KIF21A: variants seen among roughly 807,000 people sequenced by gnomAD.
KIF21A encodes the protein kinesin family member 21A, also known as kinesin-like protein KIF21A.
A neutral mutation model predicts 202.9 loss-of-function variants in KIF21A; 114 were observed. That is an observed-to-expected ratio of 0.56 (90% CI 0.48 to 0.66). The LOEUF is 0.66. KIF21A is among the 30% of genes least tolerant of loss of function. The probability of loss-of-function intolerance (pLI) is 0.00; values close to 1 mark genes in which losing one functional copy is unlikely to be tolerated. For missense variants in KIF21A, 1,677 were observed against 1,994.9 expected (o/e 0.84, Z 3.04); for synonymous variants, 667 against 670.8 (o/e 0.99, Z 0.09).
chr12:39,419,256 A>G (rs1026702887), intron 1 of KIF21A, among the ~76,000 whole-genome samples: 6 of 152,208 alleles, frequency 3.9e-5, no homozygotes, highest in Non-Finnish European at 7.3e-5. Flanking sequence ...CTTTAGAGCC[A>G]CAAGGAATCT....
intron 1 of KIF21A, among the ~76,000 whole-genome samples, chr12:39,372,248 C>A (rs1950014804): frequency 6.6e-6 from 1 of 152,142 alleles, no homozygotes; most frequent in Admixed American, 6.6e-5. Flanking sequence ...TTGTATGCCT[C>A]AAAAATATCT....
intron 4 of KIF21A, 111 bp from the exon 5 acceptor site, chr12:39,367,275 G>T: frequency 8.7e-7 from 1 of 1,148,024 alleles, no homozygotes; most frequent in Non-Finnish European, 1.3e-6. Context: ...TATAAAAGAT[G>T]TGGAATTTCA....
At chr12:39,391,714 T>G (rs1244876844) in intron 1 of KIF21A, among the ~76,000 whole-genome samples, 1 of 151,034 alleles carries the variant, frequency 6.6e-6, no homozygotes, top group Non-Finnish European at 1.5e-5. Context: ...CTAAATCAAA[T>G]GCTAAAGACT....
chr12:39,306,665 C>T (rs1001257894), intron 34 of KIF21A, among the ~76,000 whole-genome samples: 1 of 152,140 alleles, frequency 6.6e-6, no homozygotes, highest in Non-Finnish European at 1.5e-5. Flanking sequence ...GGAAATGTTA[C>T]TAAGAATCCT....
intron 3 of KIF21A, among the ~76,000 whole-genome samples, chr12:39,369,013 A>G (rs941441976): frequency 6.6e-6 from 1 of 152,134 alleles, no homozygotes; most frequent in Admixed American, 6.6e-5. Context: ...ACATCTGTCT[A>G]CCTATGCAAG....
At chr12:39,296,621 G>T (rs1437378865) in intron 37 of KIF21A, among the ~76,000 whole-genome samples, 1 of 152,212 alleles carries the variant, frequency 6.6e-6, no homozygotes, top group Admixed American at 6.5e-5. Flanking sequence ...TCTTACTGAG[G>T]AAGAAAGACT....
intron 1 of KIF21A, among the ~76,000 whole-genome samples, chr12:39,386,206 A>G (rs1682126360): frequency 6.6e-6 from 1 of 152,162 alleles, no homozygotes; most frequent in Non-Finnish European, 1.5e-5. Flanking sequence ...GTCAATGTCA[A>G]CAGTAGAGTC....
At chr12:39,421,362 C>T (rs1383750932) in intron 1 of KIF21A, among the ~76,000 whole-genome samples, 1 of 152,040 alleles carries the variant, frequency 6.6e-6, no homozygotes, top group Non-Finnish European at 1.5e-5. Flanking sequence ...CCTGTTTAAG[C>T]AAAACATGAC....
intron 24 of KIF21A, among the ~76,000 whole-genome samples, chr12:39,328,763 C>T (rs937322630): frequency 7.2e-5 from 11 of 152,158 alleles, no homozygotes; most frequent in Non-Finnish European, 2.9e-5. Context: ...GCTTTTGCTG[C>T]CCCTCTGCCT....
chr12:39,324,695 CA>C (rs1392892779), intron 26 of KIF21A, among the ~76,000 whole-genome samples: 1 of 152,134 alleles, frequency 6.6e-6, no homozygotes, highest in African/African-American at 2.4e-5. Flanking sequence ...CAAAAATGAG[CA>C]AAACTTGATG....
intron 28 of KIF21A, among the ~76,000 whole-genome samples, 187 bp from the exon 29 acceptor site, chr12:39,318,388 A>C (rs186301557): frequency 6.6e-6 from 1 of 152,310 alleles, no homozygotes; most frequent in African/African-American, 2.4e-5. Context: ...ATTTTGTTAC[A>C]TTGGCCACAA....
At chr12:39,385,293 G>A (rs4405362) in intron 1 of KIF21A, among the ~76,000 whole-genome samples, 9,752 of 151,884 alleles carry the variant, frequency 0.064, 1,051 homozygotes, top group African/African-American at 0.22. Flanking sequence ...GAGAAAATAG[G>A]GAAGGAGGTA....
intron 30 of KIF21A, 53 bp from the exon 31 acceptor site, chr12:39,315,293 G>C: frequency 6.5e-7 from 1 of 1,545,730 alleles, no homozygotes; most frequent in Non-Finnish European, 8.9e-7. Flanking sequence ...AGTGCAAAGA[G>C]GGAGGACATA....
intron 1 of KIF21A, among the ~76,000 whole-genome samples, chr12:39,405,835 C>T (rs551002556): frequency 1.2e-3 from 185 of 150,428 alleles, no homozygotes; most frequent in African/African-American, 4.2e-3. Flanking sequence ...TTAACTAGGC[C>T]GTAAGAAAAA....
intron 1 of KIF21A, among the ~76,000 whole-genome samples, chr12:39,436,807 A>C (rs1453041771): frequency 6.6e-6 from 1 of 152,148 alleles, no homozygotes; most frequent in Non-Finnish European, 1.5e-5. Flanking sequence ...GAGAAGATTA[A>C]ATAGTTAATC....
At position 39,302,819 on chromosome 12, in the gene KIF21A, GAGGATGAAACATTCTTTAAGAAAA is replaced by G; in HGVS notation, c.4731+122_4731+145del. ...CCTTCTCCCAGTGAAGAACTCTGGGGAGGATGAAACATTCTTTAAGAAAAAGGCCTGATTAATATTATCTGTAAA... is the reference window on the plus strand; with the variant it reads ...CCTTCTCCCAGTGAAGAACTCTGGGGAGGCCTGATTAATATTATCTGTAAA... On this transcript the variant is annotated intron_variant, in intron 36 of 37. Transcript: ENST00000361418. The G allele has an allele frequency of 4.1e-6, 3 of 724,054 alleles. No homozygotes were observed. The Admixed American group carries it at 6.4e-5, about 15-fold the overall frequency. 44.9% of individuals were successfully genotyped at this position (724,054 alleles called of 1,614,324 possible).
intron 7 of KIF21A, 113 bp downstream of exon 7, chr12:39,362,985 C>T: frequency 1.4e-6 from 1 of 717,560 alleles, no homozygotes; most frequent in Non-Finnish European, 2.5e-6. Context: ...AGGATTAGTT[C>T]CTCATCCTAT....
At chr12:39,407,690 G>A (rs1006511201) in intron 1 of KIF21A, among the ~76,000 whole-genome samples, 2 of 152,096 alleles carry the variant, frequency 1.3e-5, no homozygotes, top group South Asian at 4.1e-4. Context: ...CTCTTAGAAA[G>A]TCCTAGAGAA....
chr12:39,394,212 T>G (rs926690673), intron 1 of KIF21A, among the ~76,000 whole-genome samples: 9 of 152,206 alleles, frequency 5.9e-5, no homozygotes, highest in Admixed American at 3.3e-4. Context: ...GAGCATGCAA[T>G]ACATAGGTCA....
Sources: gnomAD v4.1 joint callset for allele counts (sites outside exome capture counted in the v4.1 genomes callset) on GRCh38, gnomAD v4.1.1 for gene constraint, MANE v1.5 for transcripts, NCBI Gene and HGNC (gene_info 2026-07-23, HGNC 2026-07-21) for gene names.